UBAP2: variants seen among roughly 807,000 people sequenced by gnomAD.
UBAP2 encodes ubiquitin-associated protein 2.
UBAP2 carries 75 observed loss-of-function variants against 139.6 expected under a neutral mutation model. That is an observed-to-expected ratio of 0.54 (90% CI 0.45 to 0.65). UBAP2 has a LOEUF of 0.65. UBAP2 is among the 30% of genes least tolerant of loss of function. UBAP2 has a pLI of 0.00. For synonymous variants in UBAP2, 526 were observed against 526.2 expected (o/e 1.00, Z 0.01); for missense variants, 1,368 against 1,369.6 (o/e 1.00, Z 0.02).
intron 2 of UBAP2, among the ~76,000 whole-genome samples, chr9:34,012,583 A>C (rs1336832592): frequency 6.6e-6 from 1 of 151,374 alleles, no homozygotes; most frequent in East Asian, 1.9e-4. Context: ...TATGGTCTGT[A>C]GATGTTCTGA....
At chr9:34,048,058 G>T (rs1053267067) in intron 1 of UBAP2, among the ~76,000 whole-genome samples, 2 of 152,062 alleles carry the variant, frequency 1.3e-5, no homozygotes, top group African/African-American at 4.8e-5. Flanking sequence ...TGAGATGCGT[G>T]GGCAACTAAT....
intron 16 of UBAP2, among the ~76,000 whole-genome samples, chr9:33,936,926 CAAAAAAAAA>C (rs66465145): frequency 8.4e-5 from 5 of 59,794 alleles, no homozygotes; most frequent in Non-Finnish European, 1.1e-4. Context: ...AACTCCAGCT[CAAAAAAAAA>C]AAAAAAAAAA....
At chr9:34,001,629 T>A (rs568904461) in intron 2 of UBAP2, among the ~76,000 whole-genome samples, 61 of 152,334 alleles carry the variant, frequency 4.0e-4, no homozygotes, top group African/African-American at 1.5e-3. Flanking sequence ...TTTAGTTGGG[T>A]ATGACAAGAT....
At chr9:33,974,959 G>T (rs556329961) in intron 6 of UBAP2, among the ~76,000 whole-genome samples, 2 of 147,558 alleles carry the variant, frequency 1.4e-5, no homozygotes, top group Non-Finnish European at 3.0e-5. Context: ...GCGGGGGGGC[G>T]GGCAATGGAC....
At chr9:34,048,480 T>C (rs1010259466) in intron 1 of UBAP2, among the ~76,000 whole-genome samples, 2 of 151,972 alleles carry the variant, frequency 1.3e-5, no homozygotes, top group East Asian at 1.9e-4. Flanking sequence ...TCCAGTCTAC[T>C]GGCAGGCACC....
Position 33,923,369 on chromosome 9 carries a change from T to G in UBAP2, c.2896+10A>C. 1.2e-6 allele frequency: 2 copies of G among 1,614,136 alleles called. No individual in the cohort carries two copies. The highest frequency in any genetic ancestry group is 1.7e-6 in the Non-Finnish European group (2 of 1,179,976). Reference sequence around the variant, plus strand: ...ACCCCATGTGTCTCTGTCTGGGAAGTACCCCTCACCTGTACTGTAGCCGTG... The same window carrying G: ...ACCCCATGTGTCTCTGTCTGGGAAGGACCCCTCACCTGTACTGTAGCCGTG... On this transcript the variant is annotated intron_variant, in intron 25 of 28. Coordinates refer to ENST00000379238, the MANE Select transcript of UBAP2 (RefSeq NM_001370062.2).
At chr9:33,975,486 A>G (rs994998422) in intron 6 of UBAP2, among the ~76,000 whole-genome samples, 1 of 150,726 alleles carries the variant, frequency 6.6e-6, no homozygotes, top group African/African-American at 2.4e-5. Context: ...GGAGCACACC[A>G]TTGTGCACTG....
rs941879211 is a variant in UBAP2, at chr9:33,996,054, T to C, written c.288+169A>G. The C allele has an allele frequency of 2.7e-5, 15 of 552,022 alleles. No individual in the cohort carries two copies. The Admixed American group carries it at 3.1e-4, about 11-fold the overall frequency. 34.2% of individuals were successfully genotyped at this position (552,022 alleles called of 1,614,324 possible). The stretch of plus-strand genomic sequence containing the variant: ...ATTCTACGACTTCATGAAGAAACCA[T>C]ACATAACAAAAACAGTCTTTTCAGG... On this transcript the variant is annotated intron_variant, in intron 4 of 28. Transcript: ENST00000379238.
At position 33,921,739 on chromosome 9, in the gene UBAP2, C is replaced by G. The variant is rs1822898549; in HGVS notation, c.*765G>C. ...GGTGGGGATTGGGCAAGAGAAAACCCCTGAAACAGTTGCCCACGTGGTTCA... is the reference window on the plus strand; with the variant it reads ...GGTGGGGATTGGGCAAGAGAAAACCGCTGAAACAGTTGCCCACGTGGTTCA... On this transcript the variant is annotated 3_prime_UTR_variant, in exon 29 of 29. Transcript: ENST00000379238. 6.6e-6 allele frequency: 1 copy of G among 152,616 alleles called. No individual in the cohort carries two copies. Among genetic ancestry groups the G allele is most frequent in the Non-Finnish European group, 1.5e-5 (1 of 68,048 alleles). 9.5% of individuals were successfully genotyped at this position (152,616 alleles called of 1,614,324 possible).
chr9:34,010,122 TAAAA>T (rs572189269), intron 2 of UBAP2, among the ~76,000 whole-genome samples: 13 of 125,146 alleles, frequency 1.0e-4, no homozygotes, highest in South Asian at 5.6e-4. Flanking sequence ...TCCTGTCTAT[TAAAA>T]AAAAAAAAAA....
At chr9:34,046,643 CAAAAAAAAA>C (rs59971755) in intron 1 of UBAP2, among the ~76,000 whole-genome samples, 2 of 122,332 alleles carry the variant, frequency 1.6e-5, no homozygotes, top group African/African-American at 6.4e-5. Context: ...GACTCCATCT[CAAAAAAAAA>C]AAAAAAAAAA....
intron 1 of UBAP2, among the ~76,000 whole-genome samples, chr9:34,033,833 T>C (rs1826094214): frequency 6.6e-6 from 1 of 151,908 alleles, no homozygotes; most frequent in Admixed American, 6.6e-5. Flanking sequence ...CCTCCCAGGT[T>C]CAAGCAATTC....
intron 6 of UBAP2, among the ~76,000 whole-genome samples, chr9:33,982,880 G>GT (rs544925444): frequency 0.052 from 7,174 of 138,326 alleles, 184 homozygotes; most frequent in East Asian, 0.094. Flanking sequence ...GTTTTTTTTT[G>GT]TTTTTTTTTT....
intron 6 of UBAP2, among the ~76,000 whole-genome samples, chr9:33,982,880 GT>G (rs544925444): frequency 3.7e-4 from 51 of 138,420 alleles, no homozygotes; most frequent in East Asian, 1.1e-3. Flanking sequence ...GTTTTTTTTT[GT>G]TTTTTTTTTT....
chr9:33,922,499 T>C lies in UBAP2; in HGVS notation c.*5A>G. 5 of 1,613,468 alleles carry C rather than the reference T, an allele frequency of 3.1e-6. No individual in the cohort carries two copies. Among genetic ancestry groups the C allele is most frequent in the Non-Finnish European group, 3.4e-6 (4 of 1,179,724 alleles). ...CTTGCCCCAGCCCACCCCTCTCTTCTGGGTTTAGTTTGTCCAGTATGGAGA... is the reference window on the plus strand; with the variant it reads ...CTTGCCCCAGCCCACCCCTCTCTTCCGGGTTTAGTTTGTCCAGTATGGAGA... On this transcript the variant is annotated 3_prime_UTR_variant, in exon 29 of 29. Coordinates refer to ENST00000379238, the MANE Select transcript of UBAP2 (RefSeq NM_001370062.2).
chr9:34,043,085 CAT>C (rs1827240479), intron 1 of UBAP2, among the ~76,000 whole-genome samples: 2 of 152,238 alleles, frequency 1.3e-5, no homozygotes, highest in South Asian at 2.1e-4. Flanking sequence ...AACAACTCTA[CAT>C]ATGTGTTTAC....
intron 8 of UBAP2, among the ~76,000 whole-genome samples, chr9:33,964,967 A>G (rs1827336756): frequency 6.6e-6 from 1 of 152,152 alleles, no homozygotes; most frequent in Non-Finnish European, 1.5e-5. Flanking sequence ...AATGGGGGTA[A>G]CTCAATGTGG....
At chr9:33,985,254 T>C (rs1564047476) in intron 6 of UBAP2, among the ~76,000 whole-genome samples, 1 of 152,196 alleles carries the variant, frequency 6.6e-6, no homozygotes, top group African/African-American at 2.4e-5. Context: ...ATGTGGTACT[T>C]TGTTACATGC....
chr9:33,965,063 A>G (rs1043316444), intron 8 of UBAP2, among the ~76,000 whole-genome samples: 1 of 152,218 alleles, frequency 6.6e-6, no homozygotes, highest in Non-Finnish European at 1.5e-5. Flanking sequence ...TCCCTTATAA[A>G]TGCAAATATT....
Sources: allele counts gnomAD v4.1 joint callset (sites outside exome capture counted in the v4.1 genomes callset), GRCh38; gene constraint gnomAD v4.1.1; transcripts MANE v1.5; gene names NCBI Gene and HGNC (gene_info 2026-07-23, HGNC 2026-07-21).